Variants in RALGDS observed in about 807,000 individuals in gnomAD.
The protein encoded by RALGDS is ral guanine nucleotide dissociation stimulator.
RALGDS carries 44 observed loss-of-function variants against 99.8 expected under a neutral mutation model. The observed-to-expected ratio is 0.44, with a 90% CI of 0.35 to 0.57. The LOEUF (loss-of-function observed/expected upper bound fraction) is 0.57, where lower values mean the gene tolerates loss of function less well. Ranked by LOEUF, RALGDS falls within the 20% of genes least tolerant of loss-of-function variation. RALGDS has a pLI of 0.01. For missense variants in RALGDS, 1,022 were observed against 1,203.1 expected, an observed-to-expected ratio of 0.85 and a Z score of 2.23; for synonymous variants, 529 against 505.0, an observed-to-expected ratio of 1.05 and a Z score of -0.64.
In RALGDS at chr9:133,102,139, G is replaced by T; in HGVS notation, c.2010C>A (p.Asp670Glu). 2 of 1,562,034 alleles carry T rather than the reference G, an allele frequency of 1.3e-6. No homozygotes were observed. The highest frequency in any genetic ancestry group is 2.4e-5 in the East Asian group (1 of 42,180). The change falls in exon 15 of 18, where the codon GAC becomes GAA. Residue 670 changes from aspartate (D) to glutamate (E), a missense_variant and splice_region_variant. Asp to Glu is a conservative substitution (Grantham distance 45). Coordinates refer to ENST00000372050, the MANE Select transcript of RALGDS (RefSeq NM_006266.4). ...TGAGCTCAGTGCTGGGGGCCTGGCG[G>T]CTGGGTGAAGAGTTGGCTTAGTTAA... ...KNTAIVKRWS[D>E]RQAPSTELST...
upstream of RALGDS, among the ~76,000 whole-genome samples, chr9:133,125,026 A>C (rs755187762): frequency 5.9e-5 from 9 of 152,260 alleles, no homozygotes; most frequent in Admixed American, 1.3e-4. Flanking sequence ...CAGTTTCTTC[A>C]ACAAATACAT....
intron 17 of RALGDS, 39 bp downstream of exon 17, chr9:133,100,229 C>T (rs1830688420): frequency 1.3e-6 from 2 of 1,573,824 alleles, no homozygotes; most frequent in South Asian, 1.1e-5. Context: ...TGGTGTGGAC[C>T]TGCCCCCTCT....
intron 1 of RALGDS, among the ~76,000 whole-genome samples, chr9:133,117,249 C>T (rs548351697): frequency 6.6e-6 from 1 of 152,332 alleles, no homozygotes; most frequent in Non-Finnish European, 1.5e-5. Context: ...CTCACCAGAA[C>T]CCTAACAGGA....
chr9:133,111,997 G>T (rs542467940), intron 2 of RALGDS, 45 bp downstream of exon 2: 1 of 1,430,352 alleles, frequency 7.0e-7, no homozygotes, highest in South Asian at 1.2e-5. Flanking sequence ...GTCCTGGGAG[G>T]GATCCCCAGC....
intron 1 of RALGDS, among the ~76,000 whole-genome samples, chr9:133,113,486 C>T (rs1357630758): frequency 6.6e-6 from 1 of 152,182 alleles, no homozygotes; most frequent in African/African-American, 2.4e-5. Flanking sequence ...TGACCGCCAC[C>T]GCCTCTGGAC....
intron 3 of RALGDS, among the ~76,000 whole-genome samples, chr9:133,109,988 C>T (rs1187634060): frequency 2.0e-5 from 3 of 152,158 alleles, no homozygotes; most frequent in Non-Finnish European, 1.5e-5. Flanking sequence ...CTGCTTCGCC[C>T]AAGGCCACAT....
intron 1 of RALGDS, among the ~76,000 whole-genome samples, chr9:133,143,533 A>G (rs557107521): frequency 5.3e-4 from 80 of 152,040 alleles, no homozygotes; most frequent in African/African-American, 1.9e-3. Flanking sequence ...GGCGGGGGGA[A>G]TCCCTTGAGC....
intron 4 of RALGDS, 135 bp downstream of exon 4, chr9:133,109,491 C>T (rs1831233734): frequency 2.4e-6 from 2 of 843,172 alleles, no homozygotes; most frequent in African/African-American, 3.3e-5. Flanking sequence ...AGACCCCAGC[C>T]CTCTAGCAGG....
intron 8 of RALGDS, 38 bp from the exon 9 acceptor site, chr9:133,106,054 A>G: frequency 6.6e-7 from 1 of 1,521,598 alleles, no homozygotes. Flanking sequence ...AAAGCTGGGA[A>G]TGGTAGGGAG....
chr9:133,104,899 T>C (rs1830942273), intron 9 of RALGDS, among the ~76,000 whole-genome samples: 2 of 152,136 alleles, frequency 1.3e-5, no homozygotes, highest in South Asian at 4.1e-4. Flanking sequence ...CCTTTCTCCC[T>C]TGAACCTTCC....
In RALGDS at chr9:133,139,683, T is replaced by C. The variant is rs530125896; in HGVS notation, c.18+9280A>G. Among the ~76,000 whole-genome samples the C allele has an allele frequency of 6.6e-5, 10 of 152,296 alleles. No homozygotes were observed. The South Asian group carries it at 2.1e-3, about 32-fold the overall frequency. Reference sequence around the variant, plus strand: ...CCTGAAAAAAACCTGTGGATTCAACTTAGGGCCTGCAAGTGTCCCTGCCCT... The same window carrying C: ...CCTGAAAAAAACCTGTGGATTCAACCTAGGGCCTGCAAGTGTCCCTGCCCT... On this transcript the variant is annotated intron_variant, in intron 1 of 17. Transcript: ENST00000393160.
upstream of RALGDS, among the ~76,000 whole-genome samples, chr9:133,133,540 GC>G (rs1832378405): frequency 6.6e-6 from 1 of 152,246 alleles, no homozygotes; most frequent in South Asian, 2.1e-4. Flanking sequence ...GCCATGGACA[GC>G]CGAGGCGCTG....
upstream of RALGDS, among the ~76,000 whole-genome samples, chr9:133,121,909 G>C (rs1831963377): frequency 6.7e-6 from 1 of 149,216 alleles, no homozygotes; most frequent in Admixed American, 6.8e-5. Flanking sequence ...GTGCAGTGGG[G>C]GAAAGGGTCA....
intron 17 of RALGDS, chr9:133,099,484 G>GA (rs35575588): frequency 0.27 from 40,580 of 152,584 alleles, 5,738 homozygotes; most frequent in Middle Eastern, 0.34. Context: ...CTAATGGTGG[G>GA]AGGTGGTGTT....
At position 133,100,286 on chromosome 9, in the gene RALGDS, T is replaced by C; in HGVS notation, c.2551A>G (p.Ile851Val). 6.2e-7 allele frequency: 1 copy of C among 1,614,220 alleles called. No individual in the cohort carries two copies. Among genetic ancestry groups the C allele is most frequent in the African/African-American group, 1.3e-5 (1 of 75,066 alleles). The change falls in exon 17 of 18, where the codon ATT (isoleucine) becomes GTT (valine). Residue 851 changes from isoleucine to valine, a missense_variant. Transcript: ENST00000372050. The part of the protein sequence containing the change: ...EEPEDYELLQ[I>V]LSDDRKLKIP... ...GACTTACTCCGGTCATCTGAGAGAA[T>C]CTGCAGCAGCTCATAGTCCTCCGGC...
Position 133,144,911 on chromosome 9 carries a change from A to C in RALGDS, c.18+4052T>G, listed in dbSNP as rs947316077. 2.6e-5 allele frequency among the ~76,000 whole-genome samples: 4 copies of C among 152,254 alleles called. No homozygotes were observed. Among genetic ancestry groups the C allele is most frequent in the Admixed American group, 1.3e-4 (2 of 15,288 alleles). Reference sequence around the variant, plus strand: ...CTGGATTAGGGTGGGCCTTAATCCAATGACTGCTATCCTTATGATAACAGG... The same window carrying C: ...CTGGATTAGGGTGGGCCTTAATCCACTGACTGCTATCCTTATGATAACAGG... On this transcript the variant is annotated intron_variant, in intron 1 of 17. Transcript: ENST00000393160. This position sits in a 1 kb window ranked among gnomAD's most constrained non-coding sequence, Gnocchi z 4.5.
intron 13 of RALGDS, 53 bp from the exon 14 acceptor site, chr9:133,102,624 C>G: frequency 6.2e-7 from 1 of 1,607,228 alleles, no homozygotes; most frequent in Non-Finnish European, 8.5e-7. Context: ...TCCGGCCTTC[C>G]CCCAGCACCT....
chr9:133,119,275 G>A (rs1564244229), intron 1 of RALGDS, among the ~76,000 whole-genome samples: 1 of 152,210 alleles, frequency 6.6e-6, no homozygotes, highest in Non-Finnish European at 1.5e-5. Flanking sequence ...CCCCAGGACG[G>A]GGGGTGTTGG....
chr9:133,130,235 G>A (rs555438057), intron 1 of RALGDS, among the ~76,000 whole-genome samples: 1 of 152,278 alleles, frequency 6.6e-6, no homozygotes, highest in Non-Finnish European at 1.5e-5. Context: ...CTCCCAAAGT[G>A]CTGGGATTAC....
Sources: allele counts gnomAD v4.1 joint callset (sites outside exome capture counted in the v4.1 genomes callset), GRCh38; gene constraint gnomAD v4.1.1; non-coding constraint Gnocchi (gnomAD v3.1); transcripts MANE v1.5; gene names NCBI Gene and HGNC (gene_info 2026-07-23, HGNC 2026-07-21).